The following DNAH2 variants were observed in gnomAD, a reference collection of about 807,000 sequenced individuals.
The protein encoded by DNAH2 is dynein axonemal heavy chain 2, also known as axonemal beta dynein heavy chain 2.
A neutral mutation model predicts 523.5 loss-of-function variants in DNAH2; 323 were observed. That is an observed-to-expected ratio of 0.62 (90% confidence interval 0.56 to 0.68). The LOEUF is 0.68. Among genes scored for constraint, DNAH2 ranks in the 30% least tolerant of loss-of-function variants. The pLI is 0.00. For missense variants in DNAH2, 4,907 were observed against 5,701.5 expected (o/e 0.86, Z 4.49); for synonymous variants, 2,093 against 2,177.4 (o/e 0.96, Z 1.08).
In DNAH2 at chr17:7,770,791, A is replaced by G. The variant is rs1286565676; in HGVS notation, c.4220A>G (p.Gln1407Arg). Residue 1407 changes from glutamine to arginine, a missense_variant, in exon 27 of 86, where the codon CAG (glutamine) becomes CGG (arginine). Physicochemically the swap from Gln to Arg is conservative, Grantham distance 43. Around this residue, in one of 3 missense-constraint regions of DNAH2, gnomAD observed 2,806 missense variants for 3,190.8 expected, o/e 0.88. Coordinates refer to ENST00000572933, the MANE Select transcript of DNAH2 (RefSeq NM_020877.5). ...EEVFQALEDN[Q>R]VALSTMKASR... is the part of the protein sequence containing the mutation. ...GTATTCCAGGCACTGGAAGATAACC[A>G]GGTAGCTCTGTCTACCATGAAGGCA... is the stretch of plus-strand genomic sequence containing the variant. 3.8e-5 allele frequency: 62 copies of G among 1,614,068 alleles called. No individual in the cohort carries two copies. The highest frequency in any genetic ancestry group is 5.3e-5 in the Non-Finnish European group (62 of 1,180,018).
Position 7,798,218 on chromosome 17 carries a change from G to T in DNAH2, c.8292G>T (p.Gly2764=). 4 of 1,613,628 alleles carry T rather than the reference G, an allele frequency of 2.5e-6. No homozygotes were observed. Among genetic ancestry groups the T allele is most frequent in the Non-Finnish European group, 3.4e-6 (4 of 1,179,622 alleles). The change falls in exon 54 of 86, where the codon GGG becomes GGT. Residue 2764 remains glycine (G), a synonymous_variant. Coordinates refer to ENST00000572933, the MANE Select transcript of DNAH2 (RefSeq NM_020877.5). The surrounding 1 kb of genome is among the most constrained non-coding windows in gnomAD (Gnocchi z 5.5). ...PRGNMLLVGI[G]GSGRQSLARL... is the part of the protein sequence containing the mutation. ...GCAACATGCTCCTGGTGGGTATCGG[G>T]GGCAGCGGACGCCAGAGTCTGGCCC...
chr17:7,719,755 G>A lies in DNAH2; in HGVS notation c.21G>A (p.Lys7=), dbSNP rs546059066. 505 of 1,614,240 alleles carry A rather than the reference G, an allele frequency of 3.1e-4. 3 individuals are homozygous for A. In the South Asian group the frequency reaches 5.2e-3, roughly 17 times the overall value. Residue 7 remains lysine (K), a synonymous_variant, in exon 2 of 86, where the codon AAG becomes AAA. Coordinates refer to ENST00000572933, the MANE Select transcript of DNAH2 (RefSeq NM_020877.5). MSSKAE[K]KQRLSGRGSS... ...GCACGATGTCCAGCAAAGCTGAGAA[G>A]AAGCAGCGATTGAGTGGCCGAGGAA...
rs2076592268 is a variant in DNAH2 at position 7,781,053 on chromosome 17, C to T, written c.6015C>T (p.Leu2005=). The part of the protein sequence containing the change: ...PDLTDEEVLL[L]SMRDMNIAKL... The stretch of plus-strand genomic sequence containing the variant: ...CTTTTCCCATTCAGGTTCTGCTGCT[C>T]TCAATGAGAGATATGAACATCGCCA... Residue 2005 remains leucine (L), a synonymous_variant, in exon 39 of 86, where the codon CTC becomes CTT. Coordinates refer to ENST00000572933, the MANE Select transcript of DNAH2 (RefSeq NM_020877.5). The T allele has an allele frequency of 1.9e-6, 3 of 1,614,070 alleles. No individual in the cohort carries two copies. The highest frequency in any genetic ancestry group is 1.3e-5 in the African/African-American group (1 of 74,956).
intron 8 of DNAH2, chr17:7,738,129 C>G (rs534623902): frequency 2.8e-6 from 2 of 703,124 alleles, no homozygotes; most frequent in Admixed American, 4.0e-5. Context: ...CAGTATGATA[C>G]GCCTCCCCTA....
intron 36 of DNAH2, among the ~76,000 whole-genome samples, chr17:7,779,783 G>C (rs1218504169): frequency 6.6e-6 from 1 of 152,120 alleles, no homozygotes; most frequent in African/African-American, 2.4e-5. Context: ...ACAACTCTGG[G>C]GGAAGGGTCT....
At chr17:7,753,098 T>C (rs2075734847) in intron 12 of DNAH2, among the ~76,000 whole-genome samples, 1 of 152,182 alleles carries the variant, frequency 6.6e-6, no homozygotes, top group Non-Finnish European at 1.5e-5. Flanking sequence ...TGGAGGTAGG[T>C]GTCTGAATTT....
Position 7,774,741 on chromosome 17 carries a change from C to A in DNAH2, c.4502-18C>A. ...CAGTGGAAATGAATCAAATGTCATT[C>A]ATCGCTCTTCTTCCCAGGCCTCCTG... On this transcript the variant is annotated intron_variant, in intron 28 of 85. Coordinates refer to ENST00000572933, the MANE Select transcript of DNAH2 (RefSeq NM_020877.5). 1 of 1,606,578 alleles carries A rather than the reference C, an allele frequency of 6.2e-7. No individual in the cohort carries two copies. The highest frequency in any genetic ancestry group is 8.5e-7 in the Non-Finnish European group (1 of 1,174,398).
rs58072098 is a variant in DNAH2 at position 7,766,640 on chromosome 17, C to CTTTTTTTTTT, written c.3675+175_3675+184dup. Among the ~76,000 whole-genome samples the CTTTTTTTTTT allele has an allele frequency of 7.1e-5, 6 of 84,440 alleles. 1 individual carries two copies. Among genetic ancestry groups the CTTTTTTTTTT allele is most frequent in the Non-Finnish European group, 6.8e-5 (3 of 44,132 alleles). 55.4% of individuals were successfully genotyped at this position (84,440 alleles called of 152,430 possible). Reference sequence around the variant, plus strand: ...TAAAATTCATACAACAAAATTAATCCTTTTTTTTTTTTTTTTTTTTTTTTT... The same window carrying CTTTTTTTTTT: ...TAAAATTCATACAACAAAATTAATCCTTTTTTTTTTTTTTTTTTTTTTTTTTTTTTTTTTT... On this transcript the variant is annotated intron_variant, in intron 22 of 85. Transcript: ENST00000572933.
rs1471996770 is a variant in DNAH2, at chr17:7,821,287, G to T, written c.11060G>T (p.Ser3687Ile). 1 of 1,613,772 alleles carries T rather than the reference G, an allele frequency of 6.2e-7. No homozygotes were observed. The highest frequency in any genetic ancestry group is 8.5e-7 in the Non-Finnish European group (1 of 1,179,916). Reference sequence around the variant, plus strand: ...TTCGAACGCCACAAACTACTATTCAGTTTTCATATGTGTGCCAAAATCTTG... The same window carrying T: ...TTCGAACGCCACAAACTACTATTCATTTTTCATATGTGTGCCAAAATCTTG... ...TLFERHKLLF[S>I]FHMCAKILET... The change falls in exon 73 of 86, where the codon AGT becomes ATT. Residue 3687 changes from serine to isoleucine, a missense_variant. This residue lies in a region of DNAH2 where 1,851 missense variants were observed against 2,139.4 expected (regional missense o/e 0.87). Transcript: ENST00000572933. This position sits in a 1 kb window ranked among gnomAD's most constrained non-coding sequence, Gnocchi z 5.0.
Position 7,831,277 on chromosome 17 carries a change from C to T in DNAH2, c.12422C>T (p.Thr4141Ile). The T allele has an allele frequency of 6.2e-7, 1 of 1,614,156 alleles. No homozygotes were observed. ...DTLLSLQPQI[T>I]PTRAGGQTRE... Reference sequence around the variant, plus strand: ...TTGCTTTCCTTGCAACCTCAGATTACACCCACCAGGGCTGGAGGCCAGACC... The same window carrying T: ...TTGCTTTCCTTGCAACCTCAGATTATACCCACCAGGGCTGGAGGCCAGACC... The change falls in exon 80 of 86, where the codon ACA becomes ATA. Residue 4141 changes from threonine to isoleucine, a missense_variant. Thr to Ile is a moderately conservative substitution (Grantham distance 89, BLOSUM62 -1). Around this residue, in one of 3 missense-constraint regions of DNAH2, gnomAD observed 1,851 missense variants for 2,139.4 expected, o/e 0.87. Coordinates refer to ENST00000572933, the MANE Select transcript of DNAH2 (RefSeq NM_020877.5). The surrounding 1 kb of genome is among the most constrained non-coding windows in gnomAD (Gnocchi z 4.2).
In DNAH2 at chr17:7,732,431, T is replaced by C. The variant is rs2075016305; in HGVS notation, c.400-656T>C. The stretch of plus-strand genomic sequence containing the variant: ...GCCTGAGTGACAAAGCAAGACTCCA[T>C]CTCAAAAAAAAAAAAAAAAAAAAAA... On this transcript the variant is annotated intron_variant, in intron 4 of 85. Transcript: ENST00000572933. Among the ~76,000 whole-genome samples the C allele has an allele frequency of 4.6e-5, 4 of 86,534 alleles. No homozygotes were observed. In the Admixed American group the frequency reaches 6.6e-4, roughly 14 times the overall value. The allele number at this position is 86,534 out of a possible 152,430, so 56.8% of individuals were successfully genotyped here.
At chr17:7,792,950 C>T (rs1263454078) in intron 47 of DNAH2, 31 bp from the exon 48 acceptor site, 1 of 1,600,530 alleles carries the variant, frequency 6.2e-7, no homozygotes, top group South Asian at 1.1e-5. Context: ...TCTCAGGGGA[C>T]CCACACATTC....
rs551788424 is a variant in DNAH2 at position 7,809,383 on chromosome 17, C to G, written c.9729+1797C>G. Among the ~76,000 whole-genome samples, 614 of 152,162 alleles carry G rather than the reference C, an allele frequency of 4.0e-3. 3 individuals are homozygous for G. The highest frequency in any genetic ancestry group is 0.014 in the African/African-American group (577 of 41,512). ...TCTTTACTGTCAAAAGCTAAGCTGCCCACGAGGCCTCTTCTGTGCAGGGAA... is the reference window on the plus strand; with the variant it reads ...TCTTTACTGTCAAAAGCTAAGCTGCGCACGAGGCCTCTTCTGTGCAGGGAA... On this transcript the variant is annotated intron_variant, in intron 63 of 85. Coordinates refer to ENST00000572933, the MANE Select transcript of DNAH2 (RefSeq NM_020877.5).
At chr17:7,777,659 T>C in intron 33 of DNAH2, 25 bp downstream of exon 33, 1 of 1,612,446 alleles carries the variant, frequency 6.2e-7, no homozygotes, top group Non-Finnish European at 8.5e-7. Context: ...ACCTCCCCAC[T>C]CTCTTACCGT....
intron 8 of DNAH2, among the ~76,000 whole-genome samples, chr17:7,739,225 G>A (rs561704795): frequency 6.6e-6 from 1 of 152,130 alleles, no homozygotes; most frequent in Non-Finnish European, 1.5e-5. Context: ...GGCCAACATG[G>A]TGAAACCCCG....
At chr17:7,757,421 A>G (rs990471503) in intron 13 of DNAH2, among the ~76,000 whole-genome samples, 184 bp downstream of exon 13, 1 of 149,894 alleles carries the variant, frequency 6.7e-6, no homozygotes, top group Non-Finnish European at 1.5e-5. Context: ...TTGTAGTTTT[A>G]TTTTCTAGCT....
intron 18 of DNAH2, among the ~76,000 whole-genome samples, chr17:7,761,784 C>T (rs958557321): frequency 2.6e-5 from 4 of 152,032 alleles, no homozygotes; most frequent in Non-Finnish European, 5.9e-5. Flanking sequence ...TATGCCTGGC[C>T]TAGAAGAAGA....
At chr17:7,730,160 A>G (rs2074943375) in intron 4 of DNAH2, among the ~76,000 whole-genome samples, 1 of 152,060 alleles carries the variant, frequency 6.6e-6, no homozygotes, top group African/African-American at 2.4e-5. Context: ...GAGCCCTGAA[A>G]TGATAAAATG....
At position 7,818,099 on chromosome 17, in the gene DNAH2, C is replaced by T. The variant is rs2077735162; in HGVS notation, c.10387+3C>T. 6.2e-7 allele frequency: 1 copy of T among 1,610,220 alleles called. No individual in the cohort carries two copies. The highest frequency in any genetic ancestry group is 8.5e-7 in the Non-Finnish European group (1 of 1,180,000). On this transcript the variant is annotated splice_donor_region_variant and intron_variant, in intron 68 of 85. Coordinates refer to ENST00000572933, the MANE Select transcript of DNAH2 (RefSeq NM_020877.5). ...CAACAAATCTGTAGCCCGAATCGGT[C>T]AGGACAAGTCCCCAAGACCAGCCAA...
Sources: gnomAD v4.1 joint callset for allele counts (sites outside exome capture counted in the v4.1 genomes callset) on GRCh38, gnomAD v4.1.1 for gene constraint, gnomAD v4.1.1 regional missense constraint, Gnocchi (gnomAD v3.1) non-coding constraint, MANE v1.5 for transcripts, NCBI Gene and HGNC (gene_info 2026-07-23, HGNC 2026-07-21) for gene names.